HYDIN: variants seen among roughly 807,000 people sequenced by gnomAD.
The protein encoded by HYDIN is HYDIN axonemal central pair apparatus protein, also known as axonemal central pair apparatus protein HYDIN.
Under a neutral mutation model 403.9 loss-of-function variants are expected in HYDIN, and 132 were observed. The observed-to-expected ratio is 0.33, with a 90% confidence interval of 0.28 to 0.38. The LOEUF (loss-of-function observed/expected upper bound fraction) is 0.38, where lower values mean the gene tolerates loss of function less well. HYDIN is among the 10% of genes least tolerant of loss of function. The pLI is 1.00. For synonymous variants in HYDIN, 1,202 were observed against 1,891.7 expected, an observed-to-expected ratio of 0.64 and a Z score of 9.46; for missense variants, 2,827 against 5,009.5, an observed-to-expected ratio of 0.56 and a Z score of 13.15.
At chr16:70,942,087 CA>C (rs2077696589) in intron 42 of HYDIN, among the ~76,000 whole-genome samples, 1 of 136,138 alleles carries the variant, frequency 7.3e-6, no homozygotes, top group Non-Finnish European at 1.5e-5. Context: ...TGCAGTGGTG[CA>C]ATCTCGGCTC....
chr16:70,929,269 G>A (rs372210626), intron 45 of HYDIN, among the ~76,000 whole-genome samples: 4 of 142,166 alleles, frequency 2.8e-5, no homozygotes, highest in Middle Eastern at 3.5e-3. Flanking sequence ...CAGCCTGGGC[G>A]ACAAGAGTGA....
chr16:71,010,949 C>T (rs2080061455), intron 23 of HYDIN, among the ~76,000 whole-genome samples: 1 of 152,228 alleles, frequency 6.6e-6, no homozygotes, highest in South Asian at 2.1e-4. Flanking sequence ...CAGGCCACAG[C>T]AAAGCTTGGC....
At chr16:71,220,810 G>T (rs1317130845) in intron 1 of HYDIN, among the ~76,000 whole-genome samples, 1 of 152,190 alleles carries the variant, frequency 6.6e-6, no homozygotes, top group Non-Finnish European at 1.5e-5. Flanking sequence ...TAAAAATTAA[G>T]ACTACAAAGT....
chr16:71,053,857 A>G (rs1332521137), intron 18 of HYDIN, among the ~76,000 whole-genome samples: 2 of 152,286 alleles, frequency 1.3e-5, no homozygotes, highest in Admixed American at 1.3e-4. Context: ...TGTATCAAGT[A>G]TATCTCTTGA....
chr16:71,193,431 T>G (rs1188705178), intron 1 of HYDIN, among the ~76,000 whole-genome samples: 1 of 152,188 alleles, frequency 6.6e-6, no homozygotes, highest in African/African-American at 2.4e-5. Flanking sequence ...TAGACAAATA[T>G]ATTCTCAGCT....
chr16:71,043,156 CCA>C (rs1046350132), intron 18 of HYDIN, among the ~76,000 whole-genome samples: 2 of 151,562 alleles, frequency 1.3e-5, no homozygotes, highest in Non-Finnish European at 2.9e-5. Context: ...AAGTCTGATG[CCA>C]CTCTGGTTCA....
intron 23 of HYDIN, among the ~76,000 whole-genome samples, chr16:71,002,772 G>A (rs1170813219): frequency 6.6e-6 from 1 of 150,698 alleles, no homozygotes; most frequent in Non-Finnish European, 1.5e-5. Flanking sequence ...TTGCCTCCTG[G>A]GTTCAAGCAA....
At chr16:70,882,581 C>T in intron 60 of HYDIN, 79 bp downstream of exon 60, 1 of 751,194 alleles carries the variant, frequency 1.3e-6, no homozygotes. Flanking sequence ...ATACAGGCTC[C>T]AGAGCAGAGG....
chr16:70,902,532 T>C (rs1340935550), intron 52 of HYDIN, among the ~76,000 whole-genome samples: 1 of 146,596 alleles, frequency 6.8e-6, no homozygotes, highest in African/African-American at 2.6e-5. Context: ...GGCAGGAGAA[T>C]CGCTTGAATC....
intron 41 of HYDIN, 74 bp from the exon 42 acceptor site, chr16:70,944,023 A>G: frequency 2.6e-6 from 3 of 1,132,114 alleles, no homozygotes; most frequent in Middle Eastern, 1.9e-4. Context: ...TACCAGCCAC[A>G]GGACCTTGGG....
Position 70,974,555 on chromosome 16 carries a change from T to A in HYDIN, c.4888A>T (p.Lys1630Ter), listed in dbSNP as rs1277968524. Residue 1630 changes from lysine to a stop codon, truncating the protein, a stop_gained, in exon 32 of 86, where the codon AAG becomes TAG. Coordinates refer to ENST00000393567, the MANE Select transcript of HYDIN (RefSeq NM_001270974.2). LOFTEE classifies it high-confidence loss of function. ...GTACCTGTCTCATGAAGGACACGCT[T>A]GTCTGCATGGAATGACACTGGAAAG... ...SHFPVSFHAD[K>*]RVLHETGFST... is the part of the protein sequence containing the mutation. The A allele has an allele frequency of 2.1e-5, 34 of 1,608,062 alleles. No individual in the cohort carries two copies. The highest frequency in any genetic ancestry group is 2.4e-5 in the Non-Finnish European group (28 of 1,177,472).
rs1286744947 is a variant in HYDIN at position 71,031,932 on chromosome 16, T to G, written c.2530-15A>C. 6.4e-7 allele frequency: 1 copy of G among 1,564,522 alleles called. No homozygotes were observed. Among genetic ancestry groups the G allele is most frequent in the Non-Finnish European group, 8.8e-7 (1 of 1,141,398 alleles). On this transcript the variant is annotated splice_polypyrimidine_tract_variant and intron_variant, in intron 18 of 85. Transcript: ENST00000393567. ...TTTTTGTGTGCCTGCAACACAAGAG[T>G]ACAAGTTAACAGGGAAGATATTCTT... is the stretch of plus-strand genomic sequence containing the variant.
intron 18 of HYDIN, among the ~76,000 whole-genome samples, chr16:71,055,692 G>A (rs2081860987): frequency 6.6e-6 from 1 of 152,126 alleles, no homozygotes; most frequent in Admixed American, 6.6e-5. Flanking sequence ...CCTGGATCCA[G>A]GAATTCTAAG....
rs552536830 is a variant in HYDIN at position 70,967,165 on chromosome 16, AG to A, written c.5620-2270del. Among the ~76,000 whole-genome samples, 744 of 152,244 alleles carry A rather than the reference AG, an allele frequency of 4.9e-3. 7 individuals are homozygous for A. Among genetic ancestry groups the A allele is most frequent in the African/African-American group, 0.017 (711 of 41,546 alleles). On this transcript the variant is annotated intron_variant, in intron 36 of 85. Transcript: ENST00000393567. ...AAGGTGTAGCTCAAGGTAGGGCAGC[AG>A]GGTGGGAGCATGAGATGTGGATTTG...
At chr16:71,019,945 C>T (rs568121003) in intron 22 of HYDIN, among the ~76,000 whole-genome samples, 1 of 152,382 alleles carries the variant, frequency 6.6e-6, no homozygotes, top group African/African-American at 2.4e-5. Context: ...GGTCCAAATC[C>T]TGGTTCTGCC....
Position 70,853,881 on chromosome 16 carries a change from CTTCT to C in HYDIN, c.12443+1243_12443+1246del, listed in dbSNP as rs56080734. On this transcript the variant is annotated intron_variant, in intron 73 of 85. Coordinates refer to ENST00000393567, the MANE Select transcript of HYDIN (RefSeq NM_001270974.2). ...CAGAGTTATCTTTGTCTTATTTCTT[CTTCT>C]TTCTTTCTTTTTTTTTTTTTTTTTG... Among the ~76,000 whole-genome samples, 255 of 144,854 alleles carry C rather than the reference CTTCT, an allele frequency of 1.8e-3. No homozygotes were observed. The East Asian group carries it at 0.018, about 10-fold the overall frequency.
chr16:70,979,156 T>C, intron 29 of HYDIN, 115 bp from the exon 30 acceptor site: 2 of 1,182,272 alleles, frequency 1.7e-6, no homozygotes, highest in Non-Finnish European at 1.2e-6. Context: ...GGAAGGGAAG[T>C]GGACTTTTGG....
In HYDIN at chr16:71,074,810, A is replaced by G. The variant is rs1310176550; in HGVS notation, c.1738+5075T>C. On this transcript the variant is annotated intron_variant, in intron 13 of 85. Transcript: ENST00000393567. Reference sequence around the variant, plus strand: ...GAAAAGTCTATTTGATGAGAGACCAATCCACCTGGGGAAATAATGGTACTT... The same window carrying G: ...GAAAAGTCTATTTGATGAGAGACCAGTCCACCTGGGGAAATAATGGTACTT... Among the ~76,000 whole-genome samples the G allele has an allele frequency of 2.6e-5, 4 of 151,730 alleles. No homozygotes were observed. The East Asian group carries it at 5.8e-4, about 22-fold the overall frequency.
chr16:71,126,586 C>T lies in HYDIN; in HGVS notation c.1227+3054G>A, dbSNP rs147111196. Reference sequence around the variant, plus strand: ...GTCTCTTCCCAGCTGCAGTGGAGATCGAGGCTGATGACTGCTCCTCCTGAG... The same window carrying T: ...GTCTCTTCCCAGCTGCAGTGGAGATTGAGGCTGATGACTGCTCCTCCTGAG... On this transcript the variant is annotated intron_variant, in intron 9 of 85. Transcript: ENST00000393567. Among the ~76,000 whole-genome samples the T allele has an allele frequency of 1.2e-4, 19 of 152,152 alleles. No homozygotes were observed. The South Asian group carries it at 3.3e-3, about 27-fold the overall frequency.
Sources: allele counts gnomAD v4.1 joint callset (sites outside exome capture counted in the v4.1 genomes callset), GRCh38; gene constraint gnomAD v4.1.1; transcripts MANE v1.5; gene names NCBI Gene and HGNC (gene_info 2026-07-23, HGNC 2026-07-21).